TRPC4AP: variants seen among roughly 807,000 people sequenced by gnomAD.
TRPC4AP encodes short transient receptor potential channel 4-associated protein.
Under a neutral mutation model 99.0 loss-of-function variants are expected in TRPC4AP, and 45 were observed. That is an observed-to-expected ratio of 0.45 (90% CI 0.36 to 0.58). The LOEUF is 0.58. Ranked by LOEUF, TRPC4AP falls within the 20% of genes least tolerant of loss-of-function variation. TRPC4AP has a pLI of 0.00. For synonymous variants in TRPC4AP, 408 were observed against 385.8 expected, an observed-to-expected ratio of 1.06 and a Z score of -0.67; for missense variants, 879 against 985.3, an observed-to-expected ratio of 0.89 and a Z score of 1.44.
At chr20:35,025,245 G>T (rs1229700746) in intron 8 of TRPC4AP, among the ~76,000 whole-genome samples, 4 of 152,090 alleles carry the variant, frequency 2.6e-5, no homozygotes, top group African/African-American at 9.7e-5. Flanking sequence ...GCAGTGGCAG[G>T]ATCACAGCTC....
In TRPC4AP at chr20:35,002,813, G is replaced by GGACT. The variant is rs957767976; in HGVS notation, c.*329_*332dup. ...CACCCATATCTTCCTCCCCACTCTG[G>GGACT]GACTGACTGACAGCCAAGAAACCGG... On this transcript the variant is annotated 3_prime_UTR_variant, in exon 19 of 19. Transcript: ENST00000252015. 1.2e-5 allele frequency: 3 copies of GGACT among 251,610 alleles called. No individual in the cohort carries two copies. Among genetic ancestry groups the GGACT allele is most frequent in the Non-Finnish European group, 2.3e-5 (3 of 129,494 alleles). The allele number at this position is 251,610 out of a possible 1,614,324, so 15.6% of individuals were successfully genotyped here. A position where few individuals can be genotyped will look rare whatever the true frequency, so the allele number is the denominator to read the frequency against.
At chr20:35,024,721 C>T (rs963478146) in intron 8 of TRPC4AP, among the ~76,000 whole-genome samples, 2 of 147,534 alleles carry the variant, frequency 1.4e-5, no homozygotes, top group Non-Finnish European at 1.5e-5. Context: ...TCCAGCTACT[C>T]GGGAGGCTGA....
At chr20:35,091,420 C>A (rs984122586) in intron 1 of TRPC4AP, among the ~76,000 whole-genome samples, 1 of 152,100 alleles carries the variant, frequency 6.6e-6, no homozygotes, top group South Asian at 2.1e-4. Flanking sequence ...TTATTCTATC[C>A]TTTTCGTCAT....
chr20:35,028,336 G>A (rs1401632930), intron 8 of TRPC4AP, among the ~76,000 whole-genome samples: 3 of 151,324 alleles, frequency 2.0e-5, no homozygotes, highest in Admixed American at 1.3e-4. Context: ...TAAGCGACCC[G>A]CCTCCTCGGC....
At chr20:35,006,371 C>T (rs2082516528) in intron 15 of TRPC4AP, 64 bp downstream of exon 15, 2 of 1,584,872 alleles carry the variant, frequency 1.3e-6, no homozygotes, top group Non-Finnish European at 1.7e-6. Flanking sequence ...GCCTGGCAGA[C>T]CAGGACTCCA....
chr20:35,077,913 C>T, intron 2 of TRPC4AP, 133 bp downstream of exon 2: 1 of 1,018,312 alleles, frequency 9.8e-7, no homozygotes, highest in Non-Finnish European at 1.4e-6. Context: ...TTCTGAATTT[C>T]TCAAATTTTC....
chr20:35,072,996 C>T (rs1440779592), intron 2 of TRPC4AP, among the ~76,000 whole-genome samples: 4 of 152,200 alleles, frequency 2.6e-5, no homozygotes, highest in Admixed American at 6.5e-5. Context: ...AGAGGTCCTT[C>T]ACATCCCTTG....
chr20:35,019,841 CA>C (rs1480646259), intron 9 of TRPC4AP, among the ~76,000 whole-genome samples: 1 of 152,154 alleles, frequency 6.6e-6, no homozygotes, highest in African/African-American at 2.4e-5. Flanking sequence ...TGAGGACTCC[CA>C]AAGTGATACC....
intron 4 of TRPC4AP, among the ~76,000 whole-genome samples, chr20:35,056,609 G>A (rs1171328226): frequency 1.3e-5 from 2 of 152,050 alleles, no homozygotes; most frequent in African/African-American, 4.8e-5. Context: ...GTTGGTAGGA[G>A]GGCATTCACC....
At chr20:35,015,430 G>GTTC (rs2082730386) in intron 10 of TRPC4AP, among the ~76,000 whole-genome samples, 1 of 151,862 alleles carries the variant, frequency 6.6e-6, no homozygotes, top group South Asian at 2.1e-4. Flanking sequence ...AGATTACAAG[G>GTTC]GGAAGTTGGC....
chr20:35,050,338 T>G (rs577966857), intron 5 of TRPC4AP, among the ~76,000 whole-genome samples: 1 of 152,260 alleles, frequency 6.6e-6, no homozygotes, highest in South Asian at 2.1e-4. Context: ...CAGACCTAAG[T>G]TCTAATTCCA....
chr20:35,053,115 T>A (rs1462380816), intron 5 of TRPC4AP, among the ~76,000 whole-genome samples: 1 of 152,222 alleles, frequency 6.6e-6, no homozygotes, highest in Non-Finnish European at 1.5e-5. Flanking sequence ...ATTTAATACA[T>A]TCGTATAATT....
chr20:35,059,814 T>A (rs1600616982), intron 3 of TRPC4AP, among the ~76,000 whole-genome samples: 1 of 148,412 alleles, frequency 6.7e-6, no homozygotes, highest in African/African-American at 2.5e-5. Context: ...AAGACAAAGA[T>A]GAAGACGAAG....
intron 12 of TRPC4AP, 89 bp from the exon 13 acceptor site, chr20:35,008,836 A>C (rs887326164): frequency 4.8e-5 from 58 of 1,215,012 alleles, no homozygotes; most frequent in Non-Finnish European, 6.3e-5. Flanking sequence ...GGCGGTGAAA[A>C]ACCATGGGGA....
intron 8 of TRPC4AP, among the ~76,000 whole-genome samples, chr20:35,024,362 A>T (rs1020672999): frequency 2.0e-5 from 3 of 152,162 alleles, no homozygotes; most frequent in Non-Finnish European, 2.9e-5. Context: ...ACTATTTTCC[A>T]TCTCTATGCA....
chr20:35,036,870 T>C (rs1191534707), intron 7 of TRPC4AP, among the ~76,000 whole-genome samples: 1 of 150,796 alleles, frequency 6.6e-6, no homozygotes, highest in Non-Finnish European at 1.5e-5. Context: ...TGCTTGAACC[T>C]GGGATGCAGA....
intron 7 of TRPC4AP, among the ~76,000 whole-genome samples, 170 bp from the exon 8 acceptor site, chr20:35,035,478 G>A (rs1286541294): frequency 6.6e-6 from 1 of 152,190 alleles, no homozygotes; most frequent in Non-Finnish European, 1.5e-5. Context: ...TTATGTTACA[G>A]GCATAAGCTC....
At chr20:35,018,611 A>AAAAAAAAAAAAAAAAG (rs2082809698) in intron 9 of TRPC4AP, among the ~76,000 whole-genome samples, 1 of 150,854 alleles carries the variant, frequency 6.6e-6, no homozygotes, top group Non-Finnish European at 1.5e-5. Flanking sequence ...AAAGAAAAAA[A>AAAAAAAAAAAAAAAAG]AAAAAAAAAA....
chr20:35,074,174 G>A (rs1268033712), intron 2 of TRPC4AP, among the ~76,000 whole-genome samples: 1 of 151,790 alleles, frequency 6.6e-6, no homozygotes, highest in Admixed American at 6.6e-5. Flanking sequence ...TTTCTTATTA[G>A]TCTTGCTAGC....
Sources: gnomAD v4.1 joint callset for allele counts (sites outside exome capture counted in the v4.1 genomes callset) on GRCh38, gnomAD v4.1.1 for gene constraint, MANE v1.5 for transcripts, NCBI Gene and HGNC (gene_info 2026-07-23, HGNC 2026-07-21) for gene names.